Variants in DBNDD1 observed in about 807,000 individuals in gnomAD.
DBNDD1 encodes dysbindin domain containing 1.
DBNDD1 carries 14 observed loss-of-function variants against 17.0 expected under a neutral mutation model. That is an observed-to-expected ratio of 0.82 (90% CI 0.54 to 1.29). The LOEUF (loss-of-function observed/expected upper bound fraction) is 1.29. Ranked by LOEUF, DBNDD1 falls within the 50% of genes most tolerant of loss-of-function variation. The probability of loss-of-function intolerance (pLI) is 0.00; values close to 1 mark genes in which losing one functional copy is unlikely to be tolerated. For synonymous variants in DBNDD1, 105 were observed against 102.0 expected (o/e 1.03, Z -0.18); for missense variants, 221 against 216.2 (o/e 1.02, Z -0.14).
chr16:90,006,604 GC>G lies in DBNDD1; in HGVS notation c.320-113del, dbSNP rs1597576073. ...CCACTCCTGCCAATGCTCTGCACCA[GC>G]CCCCTGCACCAGGCATGCACACATC... On this transcript the variant is annotated intron_variant, in intron 3 of 3. Transcript: ENST00000002501. 5 of 1,357,360 alleles carry G rather than the reference GC, an allele frequency of 3.7e-6. No homozygotes were observed. In the East Asian group the frequency reaches 1.0e-4, roughly 27 times the overall value. 84.1% of individuals were successfully genotyped at this position (1,357,360 alleles called of 1,614,324 possible).
At chr16:90,016,659 C>T (rs1421514715) in intron 1 of DBNDD1, among the ~76,000 whole-genome samples, 1 of 152,054 alleles carries the variant, frequency 6.6e-6, no homozygotes, top group Admixed American at 6.5e-5. Context: ...CTCAGCCCGG[C>T]CCCCCAGGCT....
intron 1 of DBNDD1, among the ~76,000 whole-genome samples, chr16:90,017,345 A>G (rs2035656723): frequency 6.6e-6 from 1 of 152,122 alleles, no homozygotes; most frequent in African/African-American, 2.4e-5. Context: ...AGTACAAAAA[A>G]TCAGCCAGGT....
intron 1 of DBNDD1, among the ~76,000 whole-genome samples, chr16:90,010,667 G>C (rs1165364892): frequency 6.6e-6 from 1 of 151,918 alleles, no homozygotes; most frequent in Admixed American, 6.6e-5. Flanking sequence ...TGTTTTGTCA[G>C]ATGAGAGCAG....
At chr16:90,011,150 G>A (rs374531613) in intron 1 of DBNDD1, among the ~76,000 whole-genome samples, 18 of 152,374 alleles carry the variant, frequency 1.2e-4, no homozygotes, top group East Asian at 7.7e-4. Flanking sequence ...AGCCCCCAGC[G>A]GTGAGCACTG....
intron 1 of DBNDD1, among the ~76,000 whole-genome samples, chr16:90,012,946 C>G (rs2035580156): frequency 6.6e-6 from 1 of 152,030 alleles, no homozygotes. Context: ...CCATGTTGCC[C>G]AGGCTGGTCT....
Position 90,005,354 on chromosome 16 carries a change from G to A in DBNDD1, c.*981C>T, listed in dbSNP as rs1181970048. The A allele has an allele frequency of 6.6e-6, 1 of 152,322 alleles. No individual in the cohort carries two copies. The highest frequency in any genetic ancestry group is 1.5e-5 in the Non-Finnish European group (1 of 68,102). The allele number at this position is 152,322 out of a possible 1,614,324, so 9.4% of individuals were successfully genotyped here. A position where few individuals can be genotyped will look rare whatever the true frequency, so the allele number is the denominator to read the frequency against. The stretch of plus-strand genomic sequence containing the variant: ...CTGTGAGCTTCAGCATATAAGCATT[G>A]GGAGGGTGTGAGCTGGGGCTCCCAG... On this transcript the variant is annotated 3_prime_UTR_variant, in exon 4 of 4. Transcript: ENST00000002501.
chr16:90,010,839 T>C (rs981017215), intron 1 of DBNDD1, among the ~76,000 whole-genome samples: 3 of 152,210 alleles, frequency 2.0e-5, no homozygotes, highest in Non-Finnish European at 4.4e-5. Context: ...TGAGTCCTGT[T>C]AGTCAGAGTC....
intron 1 of DBNDD1, chr16:90,009,908 C>T (rs376110582): frequency 1.9e-4 from 298 of 1,571,290 alleles, no homozygotes; most frequent in Non-Finnish European, 2.4e-4. Flanking sequence ...AAACTGATGT[C>T]GTATTTGAGT....
Position 90,006,119 on chromosome 16 carries a change from A to C in DBNDD1, c.*216T>G. ...CATCCGGGGGCCCCGTGTGTCCCCCAGGAAAGCCGGCTGGTCTCCAAGTGA... is the reference window on the plus strand; with the variant it reads ...CATCCGGGGGCCCCGTGTGTCCCCCCGGAAAGCCGGCTGGTCTCCAAGTGA... On this transcript the variant is annotated 3_prime_UTR_variant, in exon 4 of 4. Transcript: ENST00000002501. The C allele has an allele frequency of 1.5e-6, 1 of 674,894 alleles. No homozygotes were observed. Among genetic ancestry groups the C allele is most frequent in the Non-Finnish European group, 2.4e-6 (1 of 425,330 alleles). The allele number at this position is 674,894 out of a possible 1,614,324, so 41.8% of individuals were successfully genotyped here. A position where few individuals can be genotyped will look rare whatever the true frequency, so the allele number is the denominator to read the frequency against.
chr16:90,006,811 C>T (rs2035436827), intron 3 of DBNDD1: 1 of 283,808 alleles, frequency 3.5e-6, no homozygotes. Context: ...ACTGTTCCCC[C>T]CGCAGGTGTC....
At chr16:90,014,488 C>A (rs905852761) in intron 1 of DBNDD1, among the ~76,000 whole-genome samples, 1 of 152,152 alleles carries the variant, frequency 6.6e-6, no homozygotes, top group Non-Finnish European at 1.5e-5. Context: ...AGTCTGCAGG[C>A]ACCCTCTGCT....
chr16:90,009,230 TG>T, intron 2 of DBNDD1, 53 bp downstream of exon 2: 1 of 1,603,802 alleles, frequency 6.2e-7, no homozygotes, highest in Non-Finnish European at 8.5e-7. Context: ...CCTTGTCTCT[TG>T]GGGGAGCTCA....
Position 90,009,309 on chromosome 16 carries a change from C to G in DBNDD1, c.153G>C (p.Gly51=), listed in dbSNP as rs1272137385. 6.2e-7 allele frequency: 1 copy of G among 1,613,568 alleles called. No individual in the cohort carries two copies. Among genetic ancestry groups the G allele is most frequent in the Admixed American group, 1.7e-5 (1 of 60,024 alleles). Residue 51 remains glycine, a synonymous_variant, in exon 2 of 4, where the codon GGG becomes GGC. Transcript: ENST00000002501. ...EVGGIPVPAP[G]LLQVTERRQP... ...GCCTCCTCTCCGTGACCTGCAGGAG[C>G]CCCGGTGCTGGTACTGGGATGCCCC...
chr16:90,019,677 G>A, upstream of DBNDD1: 4 of 547,416 alleles, frequency 7.3e-6, no homozygotes, highest in Non-Finnish European at 1.3e-5. The surrounding 1 kb of genome is among the most constrained non-coding windows in gnomAD (Gnocchi z 6.1). Flanking sequence ...ACCGGGACCT[G>A]GCTGCGCCCT....
rs774930848 is a variant in DBNDD1 at position 90,008,815 on chromosome 16, G to A, written c.288C>T (p.Asp96=). 40 of 1,603,024 alleles carry A rather than the reference G, an allele frequency of 2.5e-5. No individual in the cohort carries two copies. Among genetic ancestry groups the A allele is most frequent in the South Asian group, 5.5e-5 (5 of 90,432 alleles). The change falls in exon 3 of 4, where the codon GAC becomes GAT. Residue 96 remains aspartate (D), a synonymous_variant. Transcript: ENST00000002501. ...QELAEVFADS[D]DENLNTESPA... ...GGGACTCGGTGTTGAGGTTCTCGTC[G>A]TCCGAGTCAGCAAAGACCTCGGCCA... is the stretch of plus-strand genomic sequence containing the variant.
chr16:90,014,664 C>T (rs1224833175), intron 1 of DBNDD1, among the ~76,000 whole-genome samples: 1 of 152,188 alleles, frequency 6.6e-6, no homozygotes, highest in African/African-American at 2.4e-5. Context: ...CCTGTGGAAG[C>T]TTCACAGCAG....
chr16:90,009,601 G>A lies in DBNDD1; in HGVS notation c.32-171C>T, dbSNP rs2035512484. 4 of 976,506 alleles carry A rather than the reference G, an allele frequency of 4.1e-6. No homozygotes were observed. The East Asian group carries it at 1.0e-4, about 25-fold the overall frequency. 60.5% of individuals were successfully genotyped at this position (976,506 alleles called of 1,614,324 possible). A position where few individuals can be genotyped will look rare whatever the true frequency, so the allele number is the denominator to read the frequency against. ...GGCCTCATGCCTGGACCCAGACAAGGGGTTGAGGGGCTTCAAGGAGGCTGC... is the reference window on the plus strand; with the variant it reads ...GGCCTCATGCCTGGACCCAGACAAGAGGTTGAGGGGCTTCAAGGAGGCTGC... On this transcript the variant is annotated intron_variant, in intron 1 of 3. Coordinates refer to ENST00000002501, the MANE Select transcript of DBNDD1 (RefSeq NM_001042610.3).
chr16:90,011,572 T>A (rs2035555408), intron 1 of DBNDD1: 3 of 438,824 alleles, frequency 6.8e-6, no homozygotes, highest in South Asian at 4.9e-5. Flanking sequence ...TCATTCTGTG[T>A]GGCCCACCTG....
Position 90,019,306 on chromosome 16 carries a change from C to T in DBNDD1, c.31+5G>A. ...GGGGGTCTCGGGGGCTGGGGCTGAA[C>T]TCACCTCCGGTGCCGGCGCCCTCCG... On this transcript the variant is annotated splice_donor_5th_base_variant and intron_variant, in intron 1 of 3. Coordinates refer to ENST00000002501, the MANE Select transcript of DBNDD1 (RefSeq NM_001042610.3). This position sits in a 1 kb window ranked among gnomAD's most constrained non-coding sequence, Gnocchi z 6.1. 1.6e-6 allele frequency: 2 copies of T among 1,219,754 alleles called. No homozygotes were observed. The highest frequency in any genetic ancestry group is 3.2e-5 in the East Asian group (1 of 31,004). 75.6% of individuals were successfully genotyped at this position (1,219,754 alleles called of 1,614,324 possible). A position where few individuals can be genotyped will look rare whatever the true frequency, so the allele number is the denominator to read the frequency against.
Sources: gnomAD v4.1 joint callset for allele counts (sites outside exome capture counted in the v4.1 genomes callset) on GRCh38, gnomAD v4.1.1 for gene constraint, Gnocchi (gnomAD v3.1) non-coding constraint, MANE v1.5 for transcripts, NCBI Gene and HGNC (gene_info 2026-07-23, HGNC 2026-07-21) for gene names.